The following GPHN variants were observed in gnomAD, a reference collection of about 807,000 sequenced individuals.
GPHN encodes the protein gephyrin.
Under a neutral mutation model 95.5 loss-of-function variants are expected in GPHN, and 17 were observed. The ratio of observed to expected loss-of-function variants is 0.18; its 90% confidence interval spans 0.12 to 0.27. GPHN has a LOEUF of 0.27. Ranked by LOEUF, GPHN falls within the 10% of genes least tolerant of loss-of-function variation. GPHN has a pLI of 1.00. For missense variants in GPHN, 660 were observed against 978.1 expected, an observed-to-expected ratio of 0.67 and a Z score of 4.34; for synonymous variants, 320 against 322.5, an observed-to-expected ratio of 0.99 and a Z score of 0.08.
At chr14:66,655,260 A>G (rs2065243630) in intron 1 of GPHN, among the ~76,000 whole-genome samples, 1 of 152,086 alleles carries the variant, frequency 6.6e-6, no homozygotes, top group Non-Finnish European at 1.5e-5. Flanking sequence ...CTGTATATTT[A>G]TTTATTAGAT....
chr14:67,588,627 A>G, the GPHN span: 1 of 152,238 alleles, frequency 6.6e-6, no homozygotes, highest in East Asian at 1.9e-4. Context: ...CAAAAACAAA[A>G]CGAAAGAGTT....
intron 10 of GPHN, among the ~76,000 whole-genome samples, chr14:67,025,732 G>T (rs1300724961): frequency 6.6e-6 from 1 of 152,010 alleles, no homozygotes; most frequent in African/African-American, 2.4e-5. Context: ...CCAAATCTTG[G>T]CCCTAATTAA....
intron 3 of GPHN, among the ~76,000 whole-genome samples, chr14:66,802,304 A>T (rs1302333853): frequency 6.6e-6 from 1 of 152,088 alleles, no homozygotes; most frequent in African/African-American, 2.4e-5. Flanking sequence ...TAAGGCCCAA[A>T]GGCTCTTCTA....
intron 16 of GPHN, among the ~76,000 whole-genome samples, chr14:67,116,100 G>C (rs2078673487): frequency 6.6e-6 from 1 of 151,978 alleles, no homozygotes; most frequent in African/African-American, 2.4e-5. Context: ...CTAGGAGTTT[G>C]AGACCAGCCT....
chr14:66,887,567 C>T (rs2064259396), intron 5 of GPHN, among the ~76,000 whole-genome samples: 1 of 152,110 alleles, frequency 6.6e-6, no homozygotes, highest in African/African-American at 2.4e-5. Flanking sequence ...GAGCGAGACT[C>T]CATCTCAAAA....
chr14:66,773,535 G>A (rs2059262705), intron 2 of GPHN, among the ~76,000 whole-genome samples: 1 of 151,878 alleles, frequency 6.6e-6, no homozygotes, highest in Non-Finnish European at 1.5e-5. Flanking sequence ...TGTATTTTTA[G>A]TAGAGACGGG....
intron 1 of GPHN, among the ~76,000 whole-genome samples, chr14:66,618,420 C>T (rs2063142542): frequency 6.6e-6 from 1 of 152,094 alleles, no homozygotes; most frequent in Admixed American, 6.5e-5. Context: ...ATTTTTAAAT[C>T]AAATTTATCT....
At chr14:66,607,139 A>G (rs956672623) in intron 1 of GPHN, among the ~76,000 whole-genome samples, 1 of 152,078 alleles carries the variant, frequency 6.6e-6, no homozygotes, top group East Asian at 1.9e-4. Flanking sequence ...ATTGTGAGGT[A>G]TGTTCCTTCG....
chr14:66,562,334 C>T (rs1465802036), intron 1 of GPHN, among the ~76,000 whole-genome samples: 4 of 152,076 alleles, frequency 2.6e-5, no homozygotes, highest in African/African-American at 9.7e-5. Flanking sequence ...GTACTTACCA[C>T]AGAAAATAAG....
At chr14:67,040,856 A>T (rs2074665686) in intron 10 of GPHN, among the ~76,000 whole-genome samples, 1 of 152,118 alleles carries the variant, frequency 6.6e-6, no homozygotes, top group Admixed American at 6.6e-5. Context: ...ATTACTGGTG[A>T]TATTAACTTT....
rs1178914171 is a variant in GPHN, at chr14:67,111,854, A to G, written c.1414-7A>G. 1 of 1,609,524 alleles carries G rather than the reference A, an allele frequency of 6.2e-7. No individual in the cohort carries two copies. The highest frequency in any genetic ancestry group is 1.1e-5 in the South Asian group (1 of 91,002). On this transcript the variant is annotated splice_region_variant and splice_polypyrimidine_tract_variant and intron_variant, in intron 14 of 22. Transcript: ENST00000478722. The stretch of plus-strand genomic sequence containing the variant: ...GTTTGAAATTACATGACCGGCTGTT[A>G]TTATAGGGCACTGAAGAACTTGAAG...
the GPHN span, among the ~76,000 whole-genome samples, chr14:67,372,407 G>A: frequency 1.1e-4 from 16 of 152,216 alleles, no homozygotes; most frequent in African/African-American, 2.4e-4. Flanking sequence ...CACTAAAAGC[G>A]TTATCCATGA....
chr14:66,663,555 G>C (rs967081963), intron 1 of GPHN, among the ~76,000 whole-genome samples: 3 of 152,156 alleles, frequency 2.0e-5, no homozygotes, highest in African/African-American at 7.2e-5. Flanking sequence ...ACACTATAAA[G>C]TAACCACAAG....
At chr14:67,691,001 A>T in the GPHN span, 3 of 661,146 alleles carry the variant, frequency 4.5e-6, no homozygotes, top group East Asian at 7.6e-5. Context: ...GCTATCAGGT[A>T]GGACCAAACT....
At chr14:67,412,102 C>G in the GPHN span, 4 of 1,474,064 alleles carry the variant, frequency 2.7e-6, no homozygotes, top group Non-Finnish European at 3.6e-6. Flanking sequence ...GCGCCTTCCC[C>G]GCGCCTCGCG....
chr14:67,650,453 T>C, the GPHN span: 2 of 465,862 alleles, frequency 4.3e-6, no homozygotes, highest in South Asian at 2.8e-5. Context: ...CTGACAATTA[T>C]GCCTGTTATG....
intron 1 of GPHN, among the ~76,000 whole-genome samples, chr14:66,565,865 G>T (rs2060442043): frequency 6.6e-6 from 1 of 151,936 alleles, no homozygotes; most frequent in Admixed American, 6.6e-5. Flanking sequence ...TTTAAAATAG[G>T]TAAGTATGTA....
At chr14:67,669,664 C>A in the GPHN span, among the ~76,000 whole-genome samples, 4 of 152,184 alleles carry the variant, frequency 2.6e-5, no homozygotes, top group African/African-American at 9.7e-5. Flanking sequence ...TTCTCATCCA[C>A]AACCCAAACT....
chr14:67,345,715 C>T, the GPHN span: 3 of 1,278,700 alleles, frequency 2.3e-6, no homozygotes, highest in African/African-American at 2.9e-5. Context: ...CTCTCCTCCA[C>T]TTGACTGTTA....
Sources: gnomAD v4.1 joint callset for allele counts (sites outside exome capture counted in the v4.1 genomes callset) on GRCh38, gnomAD v4.1.1 for gene constraint, MANE v1.5 for transcripts, NCBI Gene and HGNC (gene_info 2026-07-23, HGNC 2026-07-21) for gene names.